Variants in GABRA2 observed in about 807,000 individuals in gnomAD.
GABRA2 encodes gamma-aminobutyric acid receptor subunit alpha-2.
Under a neutral mutation model 48.7 loss-of-function variants are expected in GABRA2, and 16 were observed. That is an observed-to-expected ratio of 0.33 (90% confidence interval 0.22 to 0.50). The LOEUF (loss-of-function observed/expected upper bound fraction) is 0.50, where lower values mean the gene tolerates loss of function less well. Among genes scored for constraint, GABRA2 ranks in the 20% least tolerant of loss-of-function variants. GABRA2 has a pLI of 0.98. For synonymous variants in GABRA2, 185 were observed against 184.5 expected (o/e 1.00, Z -0.02); for missense variants, 275 against 535.6 (o/e 0.51, Z 4.80).
intron 3 of GABRA2, among the ~76,000 whole-genome samples, chr4:46,340,336 A>G (rs933249482): frequency 1.7e-4 from 26 of 151,998 alleles, no homozygotes; most frequent in African/African-American, 5.8e-4. Flanking sequence ...AAACATTTTT[A>G]TCACCACAAA....
intron 6 of GABRA2, among the ~76,000 whole-genome samples, chr4:46,308,642 C>T (rs1048163921): frequency 6.6e-6 from 1 of 152,158 alleles, no homozygotes; most frequent in African/African-American, 2.4e-5. Context: ...GTGCTAATTA[C>T]TTAAACAAAA....
At chr4:46,331,504 C>T (rs920634447) in intron 4 of GABRA2, among the ~76,000 whole-genome samples, 7 of 152,034 alleles carry the variant, frequency 4.6e-5, no homozygotes, top group Non-Finnish European at 1.0e-4. Context: ...TTTGTTTATC[C>T]AGGTAGAAAA....
chr4:46,304,411 G>T (rs938811939), intron 7 of GABRA2, among the ~76,000 whole-genome samples: 1 of 151,872 alleles, frequency 6.6e-6, no homozygotes, highest in African/African-American at 2.4e-5. Context: ...TGCTCCCTGG[G>T]TTTTAATTAT....
Position 46,284,191 on chromosome 4 carries a change from T to C in GABRA2, c.856+19269A>G, listed in dbSNP as rs147070962. On this transcript the variant is annotated intron_variant, in intron 8 of 9. Transcript: ENST00000381620. The stretch of plus-strand genomic sequence containing the variant: ...TTAATAAGTGATTTTGCTTTAAATA[T>C]AGAGATAATACTATTCATCACAATT... 2.0e-5 allele frequency among the ~76,000 whole-genome samples: 3 copies of C among 152,276 alleles called. No homozygotes were observed. In the East Asian group the frequency reaches 5.8e-4, roughly 29 times the overall value.
chr4:46,299,355 TG>T (rs781480893), intron 8 of GABRA2, among the ~76,000 whole-genome samples: 8 of 151,858 alleles, frequency 5.3e-5, no homozygotes, highest in Non-Finnish European at 8.9e-5. Flanking sequence ...TGATGCATGT[TG>T]TGTTTGTTTA....
chr4:46,248,967 GA>G lies in GABRA2; in HGVS notation c.*1340del, dbSNP rs1341124513. On this transcript the variant is annotated 3_prime_UTR_variant, in exon 10 of 10. Transcript: ENST00000381620. ...TATTTTAAGATATTAAAAGAAAAATGAATTTTACCCATTAATAACTAGTAAT... is the reference window on the plus strand; with the variant it reads ...TATTTTAAGATATTAAAAGAAAAATGATTTTACCCATTAATAACTAGTAAT... 1.3e-5 allele frequency: 2 copies of G among 150,476 alleles called. No homozygotes were observed. The highest frequency in any genetic ancestry group is 6.7e-5 in the Admixed American group (1 of 14,976). 9.3% of individuals were successfully genotyped at this position (150,476 alleles called of 1,614,324 possible).
intron 9 of GABRA2, 121 bp downstream of exon 9, chr4:46,261,803 GAT>G (rs1717030995): frequency 6.0e-6 from 5 of 839,466 alleles, no homozygotes; most frequent in African/African-American, 1.7e-5. Context: ...AAAAGAAATT[GAT>G]ATGATTCAAA....
chr4:46,362,439 G>T (rs111576723), intron 3 of GABRA2, among the ~76,000 whole-genome samples: 1 of 152,164 alleles, frequency 6.6e-6, no homozygotes, highest in Non-Finnish European at 1.5e-5. Flanking sequence ...TTTCTTTTGT[G>T]AATTGCCCAG....
At chr4:46,374,082 G>A (rs1244095185) in intron 3 of GABRA2, among the ~76,000 whole-genome samples, 1 of 152,070 alleles carries the variant, frequency 6.6e-6, no homozygotes, top group Non-Finnish European at 1.5e-5. Context: ...AGTAACAACA[G>A]TGAATTTGTT....
intron 3 of GABRA2, among the ~76,000 whole-genome samples, chr4:46,341,962 G>A (rs1733315538): frequency 6.6e-6 from 1 of 151,992 alleles, no homozygotes; most frequent in Non-Finnish European, 1.5e-5. Flanking sequence ...GCTAAGTCAA[G>A]TCAAATAAAG....
intron 8 of GABRA2, among the ~76,000 whole-genome samples, chr4:46,292,419 T>C (rs552032021): frequency 6.6e-6 from 1 of 152,074 alleles, no homozygotes; most frequent in East Asian, 1.9e-4. Context: ...GTGAGGACAT[T>C]AATTAGAAAA....
At chr4:46,291,800 T>C (rs1286539696) in intron 8 of GABRA2, among the ~76,000 whole-genome samples, 1 of 150,352 alleles carries the variant, frequency 6.7e-6, no homozygotes, top group Non-Finnish European at 1.5e-5. Flanking sequence ...TACATATACA[T>C]ATATATGTGT....
chr4:46,269,713 T>C (rs1718920911), intron 8 of GABRA2, among the ~76,000 whole-genome samples: 1 of 151,954 alleles, frequency 6.6e-6, no homozygotes, highest in African/African-American at 2.4e-5. Flanking sequence ...GGCTGACTTT[T>C]TTTTGTTTCA....
intron 3 of GABRA2, among the ~76,000 whole-genome samples, chr4:46,334,552 A>C (rs1218290079): frequency 2.0e-5 from 3 of 152,208 alleles, no homozygotes; most frequent in Non-Finnish European, 2.9e-5. Context: ...GTAAAGTTAG[A>C]ATCCAAGAAA....
intron 8 of GABRA2, among the ~76,000 whole-genome samples, chr4:46,291,774 C>CAT (rs1415105864): frequency 3.7e-4 from 40 of 107,922 alleles, no homozygotes; most frequent in Admixed American, 9.1e-4. Flanking sequence ...AATAAACACA[C>CAT]ACATATATAT....
intron 5 of GABRA2, 112 bp from the exon 6 acceptor site, chr4:46,310,367 G>C: frequency 3.3e-6 from 2 of 611,954 alleles, no homozygotes; most frequent in South Asian, 2.5e-5. Context: ...ACAGCAGTAG[G>C]CTCATTCATA....
In GABRA2 at chr4:46,326,742, A is replaced by G. The variant is rs182898347; in HGVS notation, c.255+5873T>C. On this transcript the variant is annotated intron_variant, in intron 4 of 9. Coordinates refer to ENST00000381620, the MANE Select transcript of GABRA2 (RefSeq NM_000807.4). ...TTCAACCACCATTAGATGGCCCCCA[A>G]GCCATCTGTACTCCAGGCTTCTCTA... Among the ~76,000 whole-genome samples the G allele has an allele frequency of 2.2e-3, 334 of 152,012 alleles. 2 individuals are homozygous for G. The highest frequency in any genetic ancestry group is 7.3e-3 in the African/African-American group (304 of 41,522).
intron 8 of GABRA2, among the ~76,000 whole-genome samples, chr4:46,295,892 T>C (rs1724546080): frequency 6.6e-6 from 1 of 152,204 alleles, no homozygotes; most frequent in South Asian, 2.1e-4. Context: ...ACTCATAGAA[T>C]GCCTTATCCA....
intron 8 of GABRA2, among the ~76,000 whole-genome samples, chr4:46,270,263 T>G (rs2109396246): frequency 6.6e-6 from 1 of 152,142 alleles, no homozygotes; most frequent in Admixed American, 6.6e-5. Context: ...TCCTCCTTCC[T>G]TCCTGTCTTC....
Sources: gnomAD v4.1 joint callset for allele counts (sites outside exome capture counted in the v4.1 genomes callset) on GRCh38, gnomAD v4.1.1 for gene constraint, MANE v1.5 for transcripts, NCBI Gene and HGNC (gene_info 2026-07-23, HGNC 2026-07-21) for gene names.